The following FMN2 variants were observed in gnomAD, a reference collection of about 807,000 sequenced individuals.
FMN2 encodes the protein formin 2.
FMN2 carries 51 observed loss-of-function variants against 142.3 expected under a neutral mutation model. The ratio of observed to expected loss-of-function variants is 0.36; its 90% CI spans 0.29 to 0.45. The LOEUF (loss-of-function observed/expected upper bound fraction) is 0.45, where lower values mean the gene tolerates loss of function less well. Among genes scored for constraint, FMN2 ranks in the 20% least tolerant of loss-of-function variants. The pLI is 1.00. For synonymous variants in FMN2, 882 were observed against 869.8 expected (o/e 1.01, Z -0.25); for missense variants, 1,936 against 2,122.8 (o/e 0.91, Z 1.73).
At chr1:240,175,688 C>T (rs1485721087) in intron 2 of FMN2, among the ~76,000 whole-genome samples, 1 of 149,198 alleles carries the variant, frequency 6.7e-6, no homozygotes, top group African/African-American at 2.5e-5. Flanking sequence ...GCCATGTTGC[C>T]CAGGCTGGTG....
chr1:240,177,833 T>G, intron 2 of FMN2, 88 bp from the exon 3 acceptor site: 13 of 1,166,284 alleles, frequency 1.1e-5, no homozygotes, highest in Non-Finnish European at 1.5e-5. Context: ...GTAATTTACA[T>G]AGAAATGATT....
Position 240,206,904 on chromosome 1 carries a change from C to G in FMN2, c.2092C>G (p.Pro698Ala). 6.2e-7 allele frequency: 1 copy of G among 1,614,178 alleles called. No homozygotes were observed. The highest frequency in any genetic ancestry group is 1.1e-5 in the South Asian group (1 of 91,084). ...TKIAELERQY[P>A]ALDTEVASGH... ...AATAGCTGAACTAGAGAGGCAGTAT[C>G]CTGCCCTGGACACAGAGGTGGCCAG... is the stretch of plus-strand genomic sequence containing the variant. Residue 698 changes from proline (P) to alanine (A), a missense_variant, in exon 5 of 18, where the codon CCT becomes GCT. Pro to Ala is a conservative substitution (Grantham distance 27, BLOSUM62 -1). Coordinates refer to ENST00000319653, the MANE Select transcript of FMN2 (RefSeq NM_020066.5).
intron 16 of FMN2, among the ~76,000 whole-genome samples, chr1:240,456,231 A>AT (rs1489570531): frequency 1.3e-5 from 2 of 152,140 alleles, no homozygotes; most frequent in Non-Finnish European, 2.9e-5. Flanking sequence ...AAAACCTCAG[A>AT]AACTGAAAGC....
chr1:240,167,632 G>A (rs1159279139), intron 2 of FMN2, among the ~76,000 whole-genome samples: 1 of 152,146 alleles, frequency 6.6e-6, no homozygotes, highest in Non-Finnish European at 1.5e-5. Flanking sequence ...TCCATGTAGA[G>A]CTGTTTTAAT....
At chr1:240,360,552 C>T (rs1672427407) in intron 14 of FMN2, among the ~76,000 whole-genome samples, 1 of 152,176 alleles carries the variant, frequency 6.6e-6, no homozygotes, top group African/African-American at 2.4e-5. Flanking sequence ...TGTACTCTAT[C>T]TTACAGAGTG....
chr1:240,134,260 G>A (rs1218414806), intron 2 of FMN2, among the ~76,000 whole-genome samples: 3 of 152,176 alleles, frequency 2.0e-5, no homozygotes, highest in African/African-American at 4.8e-5. Context: ...CAGTGAGGAG[G>A]AACTGGAGAA....
chr1:240,174,913 C>A (rs997284510), intron 2 of FMN2, among the ~76,000 whole-genome samples: 3 of 152,180 alleles, frequency 2.0e-5, no homozygotes, highest in African/African-American at 7.2e-5. Context: ...CATTGTTGTG[C>A]AATCAACCTC....
chr1:240,248,670 T>C (rs1183155248), intron 6 of FMN2, among the ~76,000 whole-genome samples: 1 of 151,874 alleles, frequency 6.6e-6, no homozygotes, highest in Non-Finnish European at 1.5e-5. Flanking sequence ...TTGAAATATT[T>C]CCATATTGTT....
At chr1:240,100,668 T>C (rs73128547) in intron 1 of FMN2, among the ~76,000 whole-genome samples, 6,951 of 152,298 alleles carry the variant, frequency 0.046, 309 homozygotes, top group African/African-American at 0.12. Flanking sequence ...AGAATTTATG[T>C]CTTCTTCCTT....
intron 7 of FMN2, among the ~76,000 whole-genome samples, chr1:240,279,999 A>G (rs1409288832): frequency 2.0e-5 from 3 of 152,234 alleles, no homozygotes; most frequent in Non-Finnish European, 1.5e-5. Flanking sequence ...ATACAAGTTG[A>G]TTAAGGTGAT....
At chr1:240,319,317 G>T (rs1405494336) in intron 8 of FMN2, among the ~76,000 whole-genome samples, 1 of 152,136 alleles carries the variant, frequency 6.6e-6, no homozygotes, top group Admixed American at 6.6e-5. Flanking sequence ...AAATTGGAGA[G>T]AAAATGAATA....
In FMN2 at chr1:240,210,580, T is replaced by C. The variant is rs76692641; in HGVS notation, c.3921-511T>C. On this transcript the variant is annotated intron_variant, in intron 5 of 17. Transcript: ENST00000319653. The stretch of plus-strand genomic sequence containing the variant: ...GGAAGTTCTTGTGTTTTGTTGTTGG[T>C]TTGCTTTTTAAAAAGATGTGTTTAC... Among the ~76,000 whole-genome samples, 1,326 of 152,260 alleles carry C rather than the reference T, an allele frequency of 8.7e-3. 19 individuals are homozygous for C. The highest frequency in any genetic ancestry group is 0.03 in the African/African-American group (1,250 of 41,540).
intron 2 of FMN2, chr1:240,142,764 C>G: frequency 6.2e-7 from 1 of 1,601,702 alleles, no homozygotes; most frequent in Admixed American, 1.7e-5. Flanking sequence ...TGCCCGTTCC[C>G]CGTGGGCCAA....
At chr1:240,243,810 C>T (rs909004914) in intron 6 of FMN2, among the ~76,000 whole-genome samples, 1 of 152,200 alleles carries the variant, frequency 6.6e-6, no homozygotes. Flanking sequence ...TACTCTGATA[C>T]AGATCAAATC....
In FMN2 at chr1:240,250,295, G is replaced by A. The variant is rs188607061; in HGVS notation, c.4066-7650G>A. Among the ~76,000 whole-genome samples the A allele has an allele frequency of 6.3e-4, 96 of 152,120 alleles. No individual in the cohort carries two copies. The South Asian group carries it at 6.6e-3, about 11-fold the overall frequency. On this transcript the variant is annotated intron_variant, in intron 6 of 17. Transcript: ENST00000319653. ...ACCTAGATTATTGAGAATTTTTATC[G>A]TGAAGGGATGTTGAATTTTATCAAA...
intron 1 of FMN2, among the ~76,000 whole-genome samples, chr1:240,113,473 G>A (rs999788536): frequency 1.4e-5 from 2 of 146,240 alleles, no homozygotes; most frequent in Admixed American, 1.4e-4. Flanking sequence ...CAGGAGAATC[G>A]CTTGAACCGG....
At chr1:240,215,700 T>A (rs1045535443) in intron 6 of FMN2, among the ~76,000 whole-genome samples, 1 of 152,200 alleles carries the variant, frequency 6.6e-6, no homozygotes, top group Non-Finnish European at 1.5e-5. Flanking sequence ...TTACCATGTT[T>A]TAGCAGATTT....
chr1:240,254,579 TG>T (rs1246728479), intron 6 of FMN2, among the ~76,000 whole-genome samples: 10 of 151,802 alleles, frequency 6.6e-5, no homozygotes, highest in Admixed American at 6.6e-4. Flanking sequence ...AATAGCTGGA[TG>T]GGGGTGGCAG....
chr1:240,317,715 A>G (rs4659960), intron 8 of FMN2, among the ~76,000 whole-genome samples: 29,245 of 152,166 alleles, frequency 0.19, 3,225 homozygotes, highest in Admixed American at 0.32. Context: ...ATGTATGTAC[A>G]TAATTTTTTG....
Sources: allele counts gnomAD v4.1 joint callset (sites outside exome capture counted in the v4.1 genomes callset), GRCh38; gene constraint gnomAD v4.1.1; transcripts MANE v1.5; gene names NCBI Gene and HGNC (gene_info 2026-07-23, HGNC 2026-07-21).